The following PTPRN2 variants were observed in gnomAD, a reference collection of about 807,000 sequenced individuals.
PTPRN2 encodes protein tyrosine phosphatase receptor type N2, also known as receptor-type tyrosine-protein phosphatase N2.
A neutral mutation model predicts 118.8 loss-of-function variants in PTPRN2; 74 were observed. The ratio of observed to expected loss-of-function variants is 0.62; its 90% CI spans 0.52 to 0.76. PTPRN2 has a LOEUF of 0.76. PTPRN2 is among the 30% of genes least tolerant of loss of function. PTPRN2 has a pLI of 0.00. For synonymous variants in PTPRN2, 641 were observed against 608.0 expected, an observed-to-expected ratio of 1.05 and a Z score of -0.80; for missense variants, 1,481 against 1,394.4, an observed-to-expected ratio of 1.06 and a Z score of -0.99.
At chr7:158,100,252 T>G (rs1223059989) in intron 10 of PTPRN2, among the ~76,000 whole-genome samples, 1 of 146,530 alleles carries the variant, frequency 6.8e-6, no homozygotes, top group African/African-American at 2.6e-5. Context: ...GGGGTGTGTG[T>G]GTGTGTGTGT....
In PTPRN2 at chr7:158,325,678, G is replaced by A. The variant is rs141797209; in HGVS notation, c.164-8746C>T. On this transcript the variant is annotated intron_variant, in intron 2 of 22. Coordinates refer to ENST00000389418, the MANE Select transcript of PTPRN2 (RefSeq NM_002847.5). ...CGAAGCCTTTGCAGATGAGAGGCGT[G>A]GGAGGCTGTATTCCGACAAGAAGGG... Among the ~76,000 whole-genome samples, 31 of 152,304 alleles carry A rather than the reference G, an allele frequency of 2.0e-4. No individual in the cohort carries two copies. The East Asian group carries it at 5.2e-3, about 26-fold the overall frequency.
chr7:158,504,984 A>G (rs1473796795), intron 1 of PTPRN2, among the ~76,000 whole-genome samples: 1 of 152,268 alleles, frequency 6.6e-6, no homozygotes, highest in Non-Finnish European at 1.5e-5. Flanking sequence ...CACCAACAGA[A>G]TATGAGTGAA....
Position 157,881,973 on chromosome 7 carries a change from G to A in PTPRN2, c.1788+16700C>T, listed in dbSNP as rs1003233322. On this transcript the variant is annotated intron_variant, in intron 12 of 22. Coordinates refer to ENST00000389418, the MANE Select transcript of PTPRN2 (RefSeq NM_002847.5). The surrounding 1 kb of genome is among the most constrained non-coding windows in gnomAD (Gnocchi z 4.7). ...CCCCAAAAATGACTGTCATACATCA[G>A]AACATGCCACCCCAAAAACAACTGT... Among the ~76,000 whole-genome samples the A allele has an allele frequency of 6.6e-6, 1 of 152,090 alleles. No homozygotes were observed. The highest frequency in any genetic ancestry group is 1.5e-5 in the Non-Finnish European group (1 of 68,014).
chr7:157,716,369 C>T (rs1371019924), intron 12 of PTPRN2, among the ~76,000 whole-genome samples: 18 of 91,828 alleles, frequency 2.0e-4, no homozygotes, highest in African/African-American at 7.9e-4. Flanking sequence ...CCTGGTCACA[C>T]AGACTCTGCA....
Position 157,975,281 on chromosome 7 carries a change from G to A in PTPRN2, c.1724-76544C>T, listed in dbSNP as rs184765011. Among the ~76,000 whole-genome samples the A allele has an allele frequency of 1.0e-3, 158 of 152,186 alleles. 1 individual carries two copies. Among genetic ancestry groups the A allele is most frequent in the Admixed American group, 2.0e-3 (30 of 15,286 alleles). ...ATCCGAGCATCTGCACCCTGTATCC[G>A]TTTCTCTAACCCAGATTTCCTTCAA... On this transcript the variant is annotated intron_variant, in intron 11 of 22. Transcript: ENST00000389418.
chr7:158,541,517 C>G (rs1327541205), intron 1 of PTPRN2: 1 of 1,352,158 alleles, frequency 7.4e-7, no homozygotes, highest in African/African-American at 1.5e-5. Context: ...TCACTTCCAC[C>G]CTGGGCAAGG....
chr7:158,304,040 G>A (rs1000879761), intron 3 of PTPRN2, among the ~76,000 whole-genome samples: 3 of 152,176 alleles, frequency 2.0e-5, no homozygotes, highest in Non-Finnish European at 4.4e-5. Flanking sequence ...ATGTGCACAG[G>A]CTTGGATTTC....
rs1329040935 is a variant in PTPRN2 at position 157,690,122 on chromosome 7, C to T, written c.1789-7185G>A. ...AGAGAAGAGCGCTGGGGAGAAGTCC[C>T]GGAGGTCCTAGACTCCTTGGGGCGG... is the stretch of plus-strand genomic sequence containing the variant. On this transcript the variant is annotated intron_variant, in intron 12 of 22. Transcript: ENST00000389418. This position sits in a 1 kb window ranked among gnomAD's most constrained non-coding sequence, Gnocchi z 7.1. Among the ~76,000 whole-genome samples, 2 of 152,180 alleles carry T rather than the reference C, an allele frequency of 1.3e-5. No individual in the cohort carries two copies. The highest frequency in any genetic ancestry group is 1.5e-5 in the Non-Finnish European group (1 of 68,024).
At chr7:158,365,836 G>GCACGCACACA (rs1554480255) in intron 2 of PTPRN2, among the ~76,000 whole-genome samples, 1 of 14,740 alleles carries the variant, frequency 6.8e-5, no homozygotes, top group Non-Finnish European at 3.7e-4. Flanking sequence ...GTGCATGCGT[G>GCACGCACACA]CACACACACA....
chr7:158,455,952 A>G (rs113775576), intron 2 of PTPRN2, among the ~76,000 whole-genome samples: 512 of 33,326 alleles, frequency 0.015, no homozygotes, highest in Middle Eastern at 0.065. Context: ...TCGCTCTACA[A>G]AGAAGATAAC....
intron 14 of PTPRN2, among the ~76,000 whole-genome samples, chr7:157,649,442 G>A (rs1385517751): frequency 4.2e-5 from 6 of 141,384 alleles, no homozygotes; most frequent in African/African-American, 1.6e-4. Flanking sequence ...CACTGAACTC[G>A]GTGGGTCAGA....
intron 6 of PTPRN2, among the ~76,000 whole-genome samples, chr7:158,147,807 G>A (rs559524665): frequency 6.9e-5 from 7 of 101,158 alleles, no homozygotes; most frequent in Admixed American, 5.8e-4. Flanking sequence ...CCCATTTCAC[G>A]CCACACGTCT....
chr7:158,385,323 T>C lies in PTPRN2; in HGVS notation c.164-68391A>G, dbSNP rs181777450. 2.0e-3 allele frequency among the ~76,000 whole-genome samples: 308 copies of C among 152,272 alleles called. 9 individuals are homozygous for C. The highest frequency in any genetic ancestry group is 2.4e-4 in the Non-Finnish European group (16 of 68,028). On this transcript the variant is annotated intron_variant, in intron 2 of 22. Transcript: ENST00000389418. ...ACCACTGGAAAAAAAAAGGTTTCAATTGAACCGATGAAGATGTACTCTGAT... is the reference window on the plus strand; with the variant it reads ...ACCACTGGAAAAAAAAAGGTTTCAACTGAACCGATGAAGATGTACTCTGAT...
At chr7:158,250,786 C>A (rs1350397722) in intron 3 of PTPRN2, among the ~76,000 whole-genome samples, 1 of 152,202 alleles carries the variant, frequency 6.6e-6, no homozygotes, top group African/African-American at 2.4e-5. Flanking sequence ...ACTGTGCTAT[C>A]ACTATTTCAT....
chr7:158,136,839 A>T, intron 7 of PTPRN2, 144 bp from the exon 8 acceptor site: 1 of 744,286 alleles, frequency 1.3e-6, no homozygotes, highest in Non-Finnish European at 2.3e-6. Context: ...CATAGAGTAA[A>T]CCTTTTCTGT....
intron 16 of PTPRN2, among the ~76,000 whole-genome samples, chr7:157,599,059 G>C (rs1201526321): frequency 3.3e-5 from 5 of 151,132 alleles, no homozygotes; most frequent in African/African-American, 7.3e-5. Flanking sequence ...ATCCATGCTG[G>C]AGTGCAGTGG....
At chr7:158,213,335 AACAC>A in intron 3 of PTPRN2, among the ~76,000 whole-genome samples, 1 of 152,034 alleles carries the variant, frequency 6.6e-6, no homozygotes, top group South Asian at 2.1e-4. Flanking sequence ...TATCTTCATG[AACAC>A]ACAAATATTT....
chr7:158,195,609 C>T (rs1431438309), intron 4 of PTPRN2, among the ~76,000 whole-genome samples: 1 of 132,838 alleles, frequency 7.5e-6, no homozygotes, highest in Non-Finnish European at 1.6e-5. Flanking sequence ...CCATAGCTCA[C>T]TGGTGTTTTT....
intron 11 of PTPRN2, among the ~76,000 whole-genome samples, chr7:157,906,301 G>T (rs543126715): frequency 4.9e-4 from 74 of 152,358 alleles, no homozygotes; most frequent in Non-Finnish European, 7.9e-4. Context: ...GAGTGCAGAG[G>T]CCTCCTGGGC....
Sources: gnomAD v4.1 joint callset for allele counts (sites outside exome capture counted in the v4.1 genomes callset) on GRCh38, gnomAD v4.1.1 for gene constraint, Gnocchi (gnomAD v3.1) non-coding constraint, MANE v1.5 for transcripts, NCBI Gene and HGNC (gene_info 2026-07-23, HGNC 2026-07-21) for gene names.